The following NPAS3 variants were observed in gnomAD, a reference collection of about 807,000 sequenced individuals.
The protein encoded by NPAS3 is neuronal PAS domain-containing protein 3.
In NPAS3, 14 loss-of-function variants were observed where a neutral mutation model predicts 73.1. The observed-to-expected ratio is 0.19, with a 90% confidence interval of 0.13 to 0.30. NPAS3 has a LOEUF of 0.30. NPAS3 is among the 10% of genes least tolerant of loss of function. NPAS3 has a pLI of 1.00. For synonymous variants in NPAS3, 620 were observed against 541.5 expected (o/e 1.14, Z -2.01); for missense variants, 1,096 against 1,250.0 (o/e 0.88, Z 1.86).
intron 7 of NPAS3, among the ~76,000 whole-genome samples, chr14:33,754,965 G>A (rs2062071079): frequency 1.3e-5 from 2 of 152,230 alleles, no homozygotes; most frequent in Admixed American, 1.3e-4. Flanking sequence ...TAGGGACAGT[G>A]AGAGTTAGCC....
chr14:33,194,641 GTAT>G (rs1269579436), intron 2 of NPAS3, among the ~76,000 whole-genome samples: 1 of 152,100 alleles, frequency 6.6e-6, no homozygotes, highest in Non-Finnish European at 1.5e-5. Context: ...GTTATAATAA[GTAT>G]TATTAGTAAC....
chr14:33,643,229 T>C (rs1040402581), intron 5 of NPAS3, among the ~76,000 whole-genome samples: 1 of 152,136 alleles, frequency 6.6e-6, no homozygotes, highest in South Asian at 2.1e-4. Context: ...TATTATCTGC[T>C]ATAAAGTTGC....
intron 4 of NPAS3, among the ~76,000 whole-genome samples, chr14:33,507,878 G>A (rs1165794503): frequency 1.3e-5 from 2 of 152,052 alleles, no homozygotes; most frequent in Non-Finnish European, 2.9e-5. Flanking sequence ...GTTTTGATGT[G>A]CGATTAGTTT....
chr14:33,703,630 T>C (rs1054323731), intron 6 of NPAS3, among the ~76,000 whole-genome samples: 3 of 152,094 alleles, frequency 2.0e-5, no homozygotes, highest in African/African-American at 7.2e-5. Flanking sequence ...ATGGTTAAAA[T>C]CTACAACTAT....
chr14:33,278,179 G>A (rs182669873), intron 3 of NPAS3, among the ~76,000 whole-genome samples: 7 of 152,268 alleles, frequency 4.6e-5, no homozygotes, highest in Admixed American at 4.6e-4. Context: ...CACGAGTTTG[G>A]AATGGAGGGA....
intron 5 of NPAS3, among the ~76,000 whole-genome samples, chr14:33,576,630 C>A (rs1344669033): frequency 1.3e-5 from 2 of 152,136 alleles, no homozygotes; most frequent in Non-Finnish European, 2.9e-5. Flanking sequence ...ATTGAAATAT[C>A]CCTGCCTGCA....
chr14:33,576,078 T>C (rs1567021108), intron 5 of NPAS3, among the ~76,000 whole-genome samples: 1 of 152,010 alleles, frequency 6.6e-6, no homozygotes, highest in Non-Finnish European at 1.5e-5. Context: ...AAGTAAGCCA[T>C]GATCTACGCC....
At chr14:33,232,223 T>A (rs1328394354) in intron 3 of NPAS3, among the ~76,000 whole-genome samples, 1 of 152,144 alleles carries the variant, frequency 6.6e-6, no homozygotes, top group African/African-American at 2.4e-5. Context: ...TCCATAAACT[T>A]CTCTCTAGAC....
intron 4 of NPAS3, among the ~76,000 whole-genome samples, chr14:33,399,578 A>T (rs962283189): frequency 1.3e-5 from 2 of 152,062 alleles, no homozygotes; most frequent in Non-Finnish European, 2.9e-5. Context: ...GGAAGTAAAC[A>T]TTACAGAGAT....
intron 6 of NPAS3, among the ~76,000 whole-genome samples, chr14:33,689,939 C>A (rs769484107): frequency 7.2e-5 from 11 of 152,166 alleles, no homozygotes; most frequent in Non-Finnish European, 1.0e-4. Context: ...CAAGGGTTTG[C>A]AGCTTCTAGC....
chr14:33,450,062 A>G (rs1291406323), intron 4 of NPAS3, among the ~76,000 whole-genome samples: 1 of 152,176 alleles, frequency 6.6e-6, no homozygotes, highest in Non-Finnish European at 1.5e-5. Flanking sequence ...GCAGTATGTA[A>G]AGTGTTGAAA....
At chr14:33,066,050 A>G (rs533846558) in intron 2 of NPAS3, among the ~76,000 whole-genome samples, 1 of 152,210 alleles carries the variant, frequency 6.6e-6, no homozygotes, top group East Asian at 1.9e-4. Flanking sequence ...TGAAGAATAT[A>G]TTTTATGTAG....
In NPAS3 at chr14:33,800,168, T is replaced by G; in HGVS notation, c.1861T>G (p.Ser621Ala). The change falls in exon 12 of 12, where the codon TCG becomes GCG. Residue 621 changes from serine (S) to alanine (A), a missense_variant. Around this residue, in one of 5 missense-constraint regions of NPAS3, gnomAD observed 698 missense variants for 676.7 expected, o/e 1.03. Transcript: ENST00000356141. The surrounding 1 kb of genome is among the most constrained non-coding windows in gnomAD (Gnocchi z 6.5). Reference sequence around the variant, plus strand: ...CAGCCGCCGGCGCCTGTCCAGCGCGTCGAGCCCAGGCGGCCTGGACGCGGG... The same window carrying G: ...CAGCCGCCGGCGCCTGTCCAGCGCGGCGAGCCCAGGCGGCCTGGACGCGGG... The G allele has an allele frequency of 6.2e-7, 1 of 1,607,174 alleles. No homozygotes were observed. The highest frequency in any genetic ancestry group is 8.5e-7 in the Non-Finnish European group (1 of 1,177,644).
intron 4 of NPAS3, among the ~76,000 whole-genome samples, chr14:33,540,757 G>A (rs985250428): frequency 6.6e-6 from 1 of 152,110 alleles, no homozygotes; most frequent in African/African-American, 2.4e-5. Context: ...TTCAGGGAAG[G>A]GAACGAGAAA....
intron 4 of NPAS3, among the ~76,000 whole-genome samples, chr14:33,393,433 T>A (rs1456432295): frequency 6.6e-6 from 1 of 152,152 alleles, no homozygotes; most frequent in Non-Finnish European, 1.5e-5. Flanking sequence ...TTCATGCATG[T>A]TTCCTTGGAG....
intron 4 of NPAS3, among the ~76,000 whole-genome samples, chr14:33,550,386 G>A (rs2055052637): frequency 6.6e-6 from 1 of 152,208 alleles, no homozygotes; most frequent in African/African-American, 2.4e-5. Context: ...CTACTTTGAA[G>A]GATGCCATCA....
At position 33,413,116 on chromosome 14, in the gene NPAS3, G is replaced by C. The variant is rs2047999416; in HGVS notation, c.468+45848G>C. On this transcript the variant is annotated intron_variant, in intron 4 of 11. Coordinates refer to ENST00000356141, the Ensembl canonical transcript of NPAS3. ...TAGATTTCTTTCAATAATATCCCTT[G>C]GTCAATTTATCTCTAGCCTAAATCA... 2.0e-5 allele frequency among the ~76,000 whole-genome samples: 3 copies of C among 152,024 alleles called. No homozygotes were observed. The South Asian group carries it at 6.2e-4, about 32-fold the overall frequency.
intron 9 of NPAS3, among the ~76,000 whole-genome samples, chr14:33,786,640 C>G (rs2063183952): frequency 6.6e-6 from 1 of 152,252 alleles, no homozygotes; most frequent in African/African-American, 2.4e-5. Context: ...ACCTGCCATA[C>G]AGTTGTCACT....
chr14:33,391,657 T>A (rs11844302), intron 4 of NPAS3, among the ~76,000 whole-genome samples: 17,976 of 152,132 alleles, frequency 0.12, 1,283 homozygotes, highest in African/African-American at 0.2. Flanking sequence ...GTGAACAATG[T>A]TTTTTTCAGG....
Sources: gnomAD v4.1 joint callset for allele counts (sites outside exome capture counted in the v4.1 genomes callset) on GRCh38, gnomAD v4.1.1 for gene constraint, gnomAD v4.1.1 regional missense constraint, Gnocchi (gnomAD v3.1) non-coding constraint, MANE v1.5 for transcripts, NCBI Gene and HGNC (gene_info 2026-07-23, HGNC 2026-07-21) for gene names.